Variants in NCKAP5 observed in about 807,000 individuals in gnomAD.
NCKAP5 encodes the protein NCK associated protein 5.
In NCKAP5, 92 loss-of-function variants were observed where a neutral mutation model predicts 167.0. The observed-to-expected ratio is 0.55, with a 90% confidence interval of 0.47 to 0.66. The LOEUF is 0.66. Among genes scored for constraint, NCKAP5 ranks in the 30% least tolerant of loss-of-function variants. The probability of loss-of-function intolerance (pLI) is 0.00; values close to 1 mark genes in which losing one functional copy is unlikely to be tolerated. For synonymous variants in NCKAP5, 891 were observed against 877.4 expected (o/e 1.02, Z -0.27); for missense variants, 2,378 against 2,315.0 (o/e 1.03, Z -0.56).
chr2:133,613,713 G>C, the NCKAP5 span, among the ~76,000 whole-genome samples: 8 of 152,246 alleles, frequency 5.3e-5, no homozygotes, highest in African/African-American at 1.9e-4. Context: ...ACTGGTTCTA[G>C]GCTGAGGCCA....
chr2:132,869,392 T>G (rs961594820), intron 9 of NCKAP5, among the ~76,000 whole-genome samples: 1 of 152,210 alleles, frequency 6.6e-6, no homozygotes, highest in African/African-American at 2.4e-5. Context: ...TCTATTTCAC[T>G]GCTTAATATT....
intron 16 of NCKAP5, among the ~76,000 whole-genome samples, chr2:132,765,736 T>A (rs1681415602): frequency 6.6e-6 from 1 of 152,178 alleles, no homozygotes; most frequent in Non-Finnish European, 1.5e-5. Context: ...ATTAACTCCT[T>A]CTTTCAGAGT....
intron 5 of NCKAP5, among the ~76,000 whole-genome samples, chr2:133,202,481 G>A (rs1189224884): frequency 6.6e-6 from 1 of 152,084 alleles, no homozygotes; most frequent in African/African-American, 2.4e-5. Flanking sequence ...GCATGGACAA[G>A]GACTTCAGGT....
At chr2:133,482,808 ATT>A (rs895115526) in intron 3 of NCKAP5, among the ~76,000 whole-genome samples, 1 of 150,880 alleles carries the variant, frequency 6.6e-6, no homozygotes, top group African/African-American at 2.4e-5. Flanking sequence ...AACATCTGTT[ATT>A]TTTTTTTCTT....
At chr2:132,836,465 T>G (rs1461367560) in intron 11 of NCKAP5, among the ~76,000 whole-genome samples, 1 of 152,060 alleles carries the variant, frequency 6.6e-6, no homozygotes, top group East Asian at 1.9e-4. Context: ...AAAATGTGAT[T>G]TTTTTCCTTG....
At chr2:132,977,619 G>A (rs989414574) in intron 7 of NCKAP5, among the ~76,000 whole-genome samples, 1 of 152,128 alleles carries the variant, frequency 6.6e-6, no homozygotes, top group South Asian at 2.1e-4. Context: ...CGAATAAGAT[G>A]CATTAACTAT....
chr2:133,133,236 C>G (rs2082674410), intron 5 of NCKAP5, among the ~76,000 whole-genome samples: 1 of 152,180 alleles, frequency 6.6e-6, no homozygotes, highest in African/African-American at 2.4e-5. Context: ...TCCTGGGAAT[C>G]TGGGTTACAA....
At chr2:132,962,739 T>G (rs555752521) in intron 8 of NCKAP5, among the ~76,000 whole-genome samples, 8 of 152,120 alleles carry the variant, frequency 5.3e-5, no homozygotes, top group Non-Finnish European at 8.8e-5. Flanking sequence ...TACAGGCACG[T>G]GCCACCACGC....
At chr2:132,781,410 A>G (rs1351021273) in intron 14 of NCKAP5, among the ~76,000 whole-genome samples, 181 bp from the exon 15 acceptor site, 2 of 152,200 alleles carry the variant, frequency 1.3e-5, no homozygotes, top group East Asian at 1.9e-4. Flanking sequence ...TAGCATGTCA[A>G]TTTAGATTTG....
At chr2:133,219,099 A>G (rs1009959422) in intron 4 of NCKAP5, among the ~76,000 whole-genome samples, 15 of 152,222 alleles carry the variant, frequency 9.9e-5, no homozygotes, top group Admixed American at 2.0e-4. Context: ...AGAGTAAAAT[A>G]CATAAAAACT....
chr2:133,016,104 G>C (rs998381916), intron 6 of NCKAP5, among the ~76,000 whole-genome samples: 1 of 151,542 alleles, frequency 6.6e-6, no homozygotes, highest in African/African-American at 2.4e-5. Context: ...AAGAAAGAAG[G>C]AAGAGAGCAA....
At chr2:133,615,276 C>T in the NCKAP5 span, among the ~76,000 whole-genome samples, 3 of 151,550 alleles carry the variant, frequency 2.0e-5, no homozygotes, top group South Asian at 2.1e-4. Context: ...ATCATAATGA[C>T]AGGATCAAAT....
chr2:133,325,627 C>G (rs766214000), intron 3 of NCKAP5, among the ~76,000 whole-genome samples: 1 of 152,122 alleles, frequency 6.6e-6, no homozygotes, highest in African/African-American at 2.4e-5. Flanking sequence ...ACATCAAGCC[C>G]CCTTCCTTGT....
chr2:133,229,169 T>C (rs913499540), intron 4 of NCKAP5, among the ~76,000 whole-genome samples: 3 of 152,224 alleles, frequency 2.0e-5, no homozygotes, highest in Non-Finnish European at 4.4e-5. Context: ...ACAGGAAATG[T>C]TTTTGTAGAA....
chr2:132,832,263 G>C (rs1687578647), intron 11 of NCKAP5, among the ~76,000 whole-genome samples: 1 of 152,088 alleles, frequency 6.6e-6, no homozygotes, highest in Non-Finnish European at 1.5e-5. Context: ...AAGCTCTCAA[G>C]TAGATTTGTT....
chr2:133,193,575 T>C (rs1333274453), intron 5 of NCKAP5, among the ~76,000 whole-genome samples: 1 of 152,104 alleles, frequency 6.6e-6, no homozygotes, highest in African/African-American at 2.4e-5. Flanking sequence ...GTGATTATTA[T>C]AATTTTATGA....
At chr2:133,617,327 A>G in the NCKAP5 span, among the ~76,000 whole-genome samples, 2 of 152,176 alleles carry the variant, frequency 1.3e-5, no homozygotes, top group South Asian at 4.2e-4. Flanking sequence ...AGAAGGAAAT[A>G]AAAGGCATTC....
chr2:132,863,938 G>C (rs1574457144), intron 10 of NCKAP5, among the ~76,000 whole-genome samples: 1 of 152,172 alleles, frequency 6.6e-6, no homozygotes, highest in African/African-American at 2.4e-5. Flanking sequence ...GTACCTGGAT[G>C]GAGGGGGCAG....
chr2:133,560,958 A>G (rs1688113161), intron 1 of NCKAP5, among the ~76,000 whole-genome samples: 1 of 152,132 alleles, frequency 6.6e-6, no homozygotes, highest in Non-Finnish European at 1.5e-5. Context: ...CTCCAAAATA[A>G]ATGTCCTAGA....
Sources: gnomAD v4.1 joint callset for allele counts (sites outside exome capture counted in the v4.1 genomes callset) on GRCh38, gnomAD v4.1.1 for gene constraint, MANE v1.5 for transcripts, NCBI Gene and HGNC (gene_info 2026-07-23, HGNC 2026-07-21) for gene names.